PLCB4: variants seen among roughly 807,000 people sequenced by gnomAD.
PLCB4 encodes phospholipase C beta 4.
In PLCB4, 77 loss-of-function variants were observed where a neutral mutation model predicts 178.8. The observed-to-expected ratio is 0.43, with a 90% confidence interval of 0.36 to 0.52. The LOEUF is 0.52. Ranked by LOEUF, PLCB4 falls within the 20% of genes least tolerant of loss-of-function variation. The probability of loss-of-function intolerance (pLI) is 0.00; values close to 1 mark genes in which losing one functional copy is unlikely to be tolerated. For missense variants in PLCB4, 1,024 were observed against 1,453.4 expected (o/e 0.70, Z 4.80); for synonymous variants, 496 against 490.8 (o/e 1.01, Z -0.14).
chr20:9,371,074 A>G, intron 9 of PLCB4, 140 bp from the exon 10 acceptor site: 2 of 634,830 alleles, frequency 3.2e-6, no homozygotes, highest in South Asian at 3.8e-5. Context: ...GAAATGAAAA[A>G]CATCTGCAAT....
intron 2 of PLCB4, among the ~76,000 whole-genome samples, chr20:9,189,690 C>T (rs1234076329): frequency 6.6e-6 from 1 of 152,122 alleles, no homozygotes; most frequent in Non-Finnish European, 1.5e-5. Flanking sequence ...GCTGAGAAGT[C>T]CAAGATCCAG....
At chr20:9,367,701 A>T (rs2035900277) in intron 9 of PLCB4, among the ~76,000 whole-genome samples, 1 of 152,240 alleles carries the variant, frequency 6.6e-6, no homozygotes, top group Non-Finnish European at 1.5e-5. Flanking sequence ...TGATCAAAGC[A>T]CTTCTAACCA....
intron 2 of PLCB4, among the ~76,000 whole-genome samples, chr20:9,158,517 C>T (rs1052998127): frequency 6.6e-6 from 1 of 151,696 alleles, no homozygotes; most frequent in Non-Finnish European, 1.5e-5. Context: ...AATCCACCCT[C>T]CTTGGCCTCC....
chr20:9,439,621 TC>T (rs1363923576), intron 30 of PLCB4, among the ~76,000 whole-genome samples: 1 of 152,140 alleles, frequency 6.6e-6, no homozygotes, highest in Non-Finnish European at 1.5e-5. Flanking sequence ...AATAGAATGA[TC>T]CACAGGAAAT....
chr20:9,462,179 A>G (rs1287349941), intron 35 of PLCB4, among the ~76,000 whole-genome samples: 10 of 152,332 alleles, frequency 6.6e-5, no homozygotes, highest in African/African-American at 2.4e-4. Flanking sequence ...GGACCTGACT[A>G]GTAGAAGGAA....
intron 2 of PLCB4, among the ~76,000 whole-genome samples, chr20:9,109,828 G>C (rs2091509906): frequency 6.6e-6 from 1 of 152,090 alleles, no homozygotes; most frequent in Non-Finnish European, 1.5e-5. Context: ...TTCAGTTACA[G>C]CTTCAAAATC....
intron 30 of PLCB4, among the ~76,000 whole-genome samples, chr20:9,439,973 G>T (rs1161799079): frequency 6.6e-6 from 1 of 152,226 alleles, no homozygotes; most frequent in Non-Finnish European, 1.5e-5. Flanking sequence ...TAGTATCAGT[G>T]ACTCAGCTGA....
intron 13 of PLCB4, among the ~76,000 whole-genome samples, chr20:9,381,209 A>G (rs2037112723): frequency 6.6e-6 from 1 of 152,190 alleles, no homozygotes. Flanking sequence ...TGATTACAGC[A>G]AAGGGAGGTA....
At chr20:9,179,885 A>C (rs780271104) in intron 2 of PLCB4, among the ~76,000 whole-genome samples, 1 of 152,218 alleles carries the variant, frequency 6.6e-6, no homozygotes, top group Non-Finnish European at 1.5e-5. Context: ...TTTGCCTTGC[A>C]TAAAATGAAA....
chr20:9,133,202 T>G (rs2092311777), intron 2 of PLCB4, among the ~76,000 whole-genome samples: 1 of 152,154 alleles, frequency 6.6e-6, no homozygotes. Flanking sequence ...GTTCTCATAG[T>G]CTGTGGGTTT....
At chr20:9,169,058 CTT>C (rs1046412365) in intron 2 of PLCB4, among the ~76,000 whole-genome samples, 1 of 152,086 alleles carries the variant, frequency 6.6e-6, no homozygotes, top group African/African-American at 2.4e-5. Context: ...AATCAGGAGC[CTT>C]TTAAATGCAT....
At chr20:9,214,570 C>CAT (rs1461792529) in intron 2 of PLCB4, among the ~76,000 whole-genome samples, 2 of 151,812 alleles carry the variant, frequency 1.3e-5, no homozygotes, top group Non-Finnish European at 2.9e-5. Context: ...GACACACACA[C>CAT]ACACACACAC....
At chr20:9,170,540 C>A (rs6039402) in intron 2 of PLCB4, among the ~76,000 whole-genome samples, 156 of 152,134 alleles carry the variant, frequency 1.0e-3, no homozygotes, top group African/African-American at 3.4e-3. Context: ...AGAAAAAAAA[C>A]TCCTCTTTCA....
chr20:9,246,586 G>A lies in PLCB4; in HGVS notation c.-16+29134G>A, dbSNP rs140267042. 5.6e-3 allele frequency among the ~76,000 whole-genome samples: 856 copies of A among 151,868 alleles called. 16 individuals carry two copies. The highest frequency in any genetic ancestry group is 0.041 in the Admixed American group (626 of 15,248). ...ACTTTTTTTTTTTGGTAAGGCTTTG[G>A]CATCTTGAGGACAGCACTGCTTTTT... On this transcript the variant is annotated intron_variant, in intron 3 of 39. Transcript: ENST00000378473.
chr20:9,083,980 T>A (rs1452775620), intron 1 of PLCB4, among the ~76,000 whole-genome samples: 14 of 152,220 alleles, frequency 9.2e-5, no homozygotes, highest in Admixed American at 9.2e-4. Context: ...AGTGGAGGGT[T>A]TCTTTTACAT....
At chr20:9,206,831 A>G (rs1278592089) in intron 2 of PLCB4, among the ~76,000 whole-genome samples, 2 of 152,342 alleles carry the variant, frequency 1.3e-5, no homozygotes, top group Admixed American at 6.5e-5. Context: ...GTCAAATTAT[A>G]TAGCATGAGA....
At chr20:9,229,611 A>T (rs1027018423) in intron 3 of PLCB4, among the ~76,000 whole-genome samples, 3 of 151,760 alleles carry the variant, frequency 2.0e-5, no homozygotes, top group Admixed American at 1.3e-4. Context: ...AGATGTGGTG[A>T]ACTTATTTTT....
At position 9,107,946 on chromosome 20, in the gene PLCB4, T is replaced by TA. The variant is rs199559562; in HGVS notation, c.-79+11605dup. Reference sequence around the variant, plus strand: ...TGAGATTCTCGATCTCTTTTGAAGATAGAGTCAGTAGGATTTGATCATGGA... The same window carrying TA: ...TGAGATTCTCGATCTCTTTTGAAGATAAGAGTCAGTAGGATTTGATCATGGA... On this transcript the variant is annotated intron_variant, in intron 2 of 39. Coordinates refer to ENST00000378473, the MANE Select transcript of PLCB4 (RefSeq NM_001377142.1). Among the ~76,000 whole-genome samples, 1,223 of 152,112 alleles carry TA rather than the reference T, an allele frequency of 8.0e-3. 7 individuals carry two copies. The highest frequency in any genetic ancestry group is 0.034 in the Middle Eastern group (10 of 294).
chr20:9,212,286 T>A (rs2093681325), intron 2 of PLCB4, among the ~76,000 whole-genome samples: 1 of 152,240 alleles, frequency 6.6e-6, no homozygotes, highest in Non-Finnish European at 1.5e-5. Context: ...TCTGTTTGCT[T>A]GCAAAACAAT....
Sources: gnomAD v4.1 joint callset for allele counts (sites outside exome capture counted in the v4.1 genomes callset) on GRCh38, gnomAD v4.1.1 for gene constraint, MANE v1.5 for transcripts, NCBI Gene and HGNC (gene_info 2026-07-23, HGNC 2026-07-21) for gene names.